Variants in ERBB3 observed in about 807,000 individuals in gnomAD.
ERBB3 encodes the protein erb-b2 receptor tyrosine kinase 3, also known as receptor tyrosine-protein kinase erbB-3.
In ERBB3, 96 loss-of-function variants were observed where a neutral mutation model predicts 156.7. The observed-to-expected ratio is 0.61, with a 90% CI of 0.52 to 0.73. ERBB3 has a LOEUF of 0.73. ERBB3 is among the 30% of genes least tolerant of loss of function. ERBB3 has a pLI of 0.00. For missense variants in ERBB3, 1,406 were observed against 1,709.4 expected (o/e 0.82, Z 3.13); for synonymous variants, 567 against 632.0 (o/e 0.90, Z 1.54).
Position 56,101,977 on chromosome 12 carries a change from G to C in ERBB3, c.3951G>C (p.Glu1317Asp), listed in dbSNP as rs1264507046. The C allele has an allele frequency of 6.2e-7, 1 of 1,613,820 alleles. No homozygotes were observed. The highest frequency in any genetic ancestry group is 2.2e-5 in the East Asian group (1 of 44,880). ...YARLKTLRSL[E>D]ATDSAFDNPD... is the part of the protein sequence containing the mutation. Reference sequence around the variant, plus strand: ...GCCTAAAAACTCTACGTAGCTTAGAGGCTACAGACTCTGCCTTTGATAACC... The same window carrying C: ...GCCTAAAAACTCTACGTAGCTTAGACGCTACAGACTCTGCCTTTGATAACC... Residue 1317 changes from glutamate to aspartate, a missense_variant, in exon 28 of 28, where the codon GAG (glutamate) becomes GAC (aspartate). Glu to Asp is a conservative substitution (Grantham distance 45). Coordinates refer to ENST00000267101, the MANE Select transcript of ERBB3 (RefSeq NM_001982.4).
rs182692782 is a variant in ERBB3, at chr12:56,093,550, G to T, written c.1480G>T (p.Val494Leu). The T allele has an allele frequency of 5.0e-6, 8 of 1,610,134 alleles. No individual in the cohort carries two copies. In the African/African-American group the frequency reaches 6.7e-5, roughly 13 times the overall value. Reference protein sequence around the residue: ...IKHNRPRRDCVAEGKVCDPLC... With the variant: ...IKHNRPRRDCLAEGKVCDPLC... The stretch of plus-strand genomic sequence containing the variant: ...GCATAATCGGCCGCGCAGAGACTGC[G>T]GTGAGGGAAAGGGTCTGCTAGGTGG... Residue 494 changes from valine (V) to leucine (L), a missense_variant and splice_region_variant, in exon 12 of 28, where the codon GTG becomes TTG. By Grantham distance (32) the Val-to-Leu change is conservative. Coordinates refer to ENST00000267101, the MANE Select transcript of ERBB3 (RefSeq NM_001982.4).
In ERBB3 at chr12:56,083,549, G is replaced by C; in HGVS notation, c.83-202G>C. ...TTTTCACCTTCCCATTCATGGAATG[G>C]TAAGGGGATTCTGAGAAGAGAGAAA... On this transcript the variant is annotated intron_variant, in intron 1 of 27. Transcript: ENST00000267101. The C allele has an allele frequency of 4.7e-6, 3 of 637,640 alleles. 1 individual carries two copies. The Middle Eastern group carries it at 1.3e-3, about 269-fold the overall frequency. 39.5% of individuals were successfully genotyped at this position (637,640 alleles called of 1,614,324 possible).
At chr12:56,084,210 G>T (rs1399038358) in intron 2 of ERBB3, among the ~76,000 whole-genome samples, 1 of 152,124 alleles carries the variant, frequency 6.6e-6, no homozygotes, top group Non-Finnish European at 1.5e-5. Flanking sequence ...AGATGAGGAA[G>T]GGGCCCTACT....
rs1191858622 is a variant in ERBB3, at chr12:56,097,064, G to T, written c.2294G>T (p.Ser765Ile). 2.5e-6 allele frequency: 4 copies of T among 1,614,108 alleles called. No homozygotes were observed. Among genetic ancestry groups the T allele is most frequent in the Non-Finnish European group, 3.4e-6 (4 of 1,180,010 alleles). The change falls in exon 20 of 28, where the codon AGC becomes ATC. Residue 765 changes from serine to isoleucine, a missense_variant. This residue lies in a region of ERBB3 where 979 missense variants were observed against 1,219.6 expected (regional missense o/e 0.80). Coordinates refer to ENST00000267101, the MANE Select transcript of ERBB3 (RefSeq NM_001982.4). The stretch of plus-strand genomic sequence containing the variant: ...TCTTAGCATATGCTGGCCATTGGCA[G>T]CCTGGACCATGCCCACATTGTAAGG... ...AVTDHMLAIG[S>I]LDHAHIVRLL...
At chr12:56,088,272 G>A in intron 7 of ERBB3, 110 bp downstream of exon 7, 1 of 1,230,558 alleles carries the variant, frequency 8.1e-7, no homozygotes, top group Non-Finnish European at 1.2e-6. Flanking sequence ...GGAGATTGGT[G>A]AATGGTTATG....
chr12:56,081,330 C>T (rs1167404024), intron 1 of ERBB3, among the ~76,000 whole-genome samples: 1 of 152,224 alleles, frequency 6.6e-6, no homozygotes, highest in Non-Finnish European at 1.5e-5. Context: ...TCTGAGCCCA[C>T]CCCTTTGGGG....
At position 56,092,777 on chromosome 12, in the gene ERBB3, C is replaced by T. The variant is rs749968833; in HGVS notation, c.1140C>T (p.Asp380=). ...CCTGGCACAAGATCCCTGCCCTGGA[C>T]CCAGAGAAGCTCAATGTCTTCCGGA... The part of the protein sequence containing the change: ...GDPWHKIPAL[D]PEKLNVFRTV... Residue 380 remains aspartate (D), a synonymous_variant, in exon 10 of 28, where the codon GAC becomes GAT. Coordinates refer to ENST00000267101, the MANE Select transcript of ERBB3 (RefSeq NM_001982.4). The T allele has an allele frequency of 6.2e-7, 1 of 1,614,116 alleles. No individual in the cohort carries two copies. Among genetic ancestry groups the T allele is most frequent in the South Asian group, 1.1e-5 (1 of 91,080 alleles).
Position 56,086,597 on chromosome 12 carries a change from G to T in ERBB3, c.488G>T (p.Trp163Leu). The part of the protein sequence containing the change: ...DKLCHMDTID[W>L]RDIVRDRDAE... Reference sequence around the variant, plus strand: ...CTTTGTCACATGGACACAATTGACTGGAGGGACATCGTGAGGGACCGAGAT... The same window carrying T: ...CTTTGTCACATGGACACAATTGACTTGAGGGACATCGTGAGGGACCGAGAT... The change falls in exon 4 of 28, where the codon TGG becomes TTG. Residue 163 changes from tryptophan (W) to leucine (L), a missense_variant. This residue lies in a region of ERBB3 where 979 missense variants were observed against 1,219.6 expected (regional missense o/e 0.80). Transcript: ENST00000267101. 6.2e-7 allele frequency: 1 copy of T among 1,614,064 alleles called. No individual in the cohort carries two copies. Among genetic ancestry groups the T allele is most frequent in the Non-Finnish European group, 8.5e-7 (1 of 1,179,926 alleles).
intron 1 of ERBB3, among the ~76,000 whole-genome samples, chr12:56,081,705 A>T (rs897509125): frequency 2.0e-5 from 3 of 151,652 alleles, no homozygotes; most frequent in South Asian, 2.1e-4. Flanking sequence ...TTTACCCTTT[A>T]TCTGGGTCCT....
intron 12 of ERBB3, 74 bp from the exon 13 acceptor site, chr12:56,093,690 C>T (rs1868793248): frequency 5.6e-6 from 9 of 1,597,482 alleles, no homozygotes; most frequent in East Asian, 2.2e-5. Flanking sequence ...GAAGCAGTAA[C>T]GAGGAAGAAT....
Position 56,094,574 on chromosome 12 carries a change from A to C in ERBB3, c.1859+18A>C. ...ACCCAGGGGTCAGTGATGGGATAAT[A>C]AGGAGAGGGGGTCAGGTGGAAGGGT... On this transcript the variant is annotated intron_variant, in intron 15 of 27. Transcript: ENST00000267101. 6 of 1,613,028 alleles carry C rather than the reference A, an allele frequency of 3.7e-6. No individual in the cohort carries two copies. The highest frequency in any genetic ancestry group is 5.1e-6 in the Non-Finnish European group (6 of 1,179,754).
chr12:56,091,218 C>A (rs1301330844), intron 9 of ERBB3, among the ~76,000 whole-genome samples: 1 of 131,548 alleles, frequency 7.6e-6, no homozygotes, highest in Non-Finnish European at 1.6e-5. Flanking sequence ...CACCTCAGCC[C>A]CCTGAGTAGC....
chr12:56,092,091 A>G (rs1028341740), intron 9 of ERBB3, among the ~76,000 whole-genome samples: 4 of 149,270 alleles, frequency 2.7e-5, no homozygotes, highest in African/African-American at 9.8e-5. Flanking sequence ...TGTCTCTTAA[A>G]AAAAAAAAAA....
intron 12 of ERBB3, 63 bp downstream of exon 12, chr12:56,093,613 C>T: frequency 2.6e-6 from 4 of 1,565,892 alleles, no homozygotes; most frequent in Non-Finnish European, 2.6e-6. Context: ...GCTGAAAGGA[C>T]TATTCTGCCC....
chr12:56,087,435 T>C, intron 4 of ERBB3, 142 bp from the exon 5 acceptor site: 1 of 781,254 alleles, frequency 1.3e-6, no homozygotes, highest in East Asian at 2.5e-5. Flanking sequence ...CCAGCCCTGC[T>C]CTCCAAGGGC....
rs766158165 is a variant in ERBB3 at position 56,101,136 on chromosome 12, GCATCAGAGT to G, written c.3286_3294del (p.Ser1096_Glu1098del). 5.5e-5 allele frequency: 88 copies of G among 1,613,976 alleles called. No individual in the cohort carries two copies. In the East Asian group the frequency reaches 1.9e-3, roughly 35 times the overall value. On this transcript the variant is annotated inframe_deletion, in exon 27 of 28. Transcript: ENST00000267101. Reference sequence around the variant, plus strand: ...ACACCCAATGCCACGGGGATGCCTGGCATCAGAGTCATCAGAGGGGCATGTAACAGGCTC... The same window carrying G: ...ACACCCAATGCCACGGGGATGCCTGGCATCAGAGGGGCATGTAACAGGCTC...
intron 23 of ERBB3, 114 bp from the exon 24 acceptor site, chr12:56,099,534 G>C: frequency 1.2e-6 from 1 of 849,438 alleles, no homozygotes; most frequent in South Asian, 1.3e-5. Flanking sequence ...CCCGACCTCA[G>C]GTGATCCACC....
chr12:56,094,638 G>A, intron 15 of ERBB3, 82 bp downstream of exon 15: 1 of 1,496,484 alleles, frequency 6.7e-7, no homozygotes, highest in Non-Finnish European at 9.2e-7. Context: ...AGAAAGAAGA[G>A]AGAGGCTGTG....
intron 23 of ERBB3, 135 bp from the exon 24 acceptor site, chr12:56,099,513 G>C: frequency 2.7e-6 from 2 of 746,686 alleles, no homozygotes; most frequent in South Asian, 2.8e-5. Context: ...TGGCCAGGCT[G>C]GTCTCAAAGT....
Sources: gnomAD v4.1 joint callset for allele counts (sites outside exome capture counted in the v4.1 genomes callset) on GRCh38, gnomAD v4.1.1 for gene constraint, gnomAD v4.1.1 regional missense constraint, MANE v1.5 for transcripts, NCBI Gene and HGNC (gene_info 2026-07-23, HGNC 2026-07-21) for gene names.